The following ARF4 variants were observed in gnomAD, a reference collection of about 807,000 sequenced individuals.
ARF4 encodes ARF GTPase 4.
A neutral mutation model predicts 24.3 loss-of-function variants in ARF4; 5 were observed. The observed-to-expected ratio is 0.21, with a 90% CI of 0.11 to 0.43. The LOEUF (loss-of-function observed/expected upper bound fraction) is 0.43, where lower values mean the gene tolerates loss of function less well. Among genes scored for constraint, ARF4 ranks in the 20% least tolerant of loss-of-function variants. ARF4 has a pLI of 1.00. For missense variants in ARF4, 107 were observed against 213.0 expected (o/e 0.50, Z 3.10); for synonymous variants, 62 against 73.5 (o/e 0.84, Z 0.80).
chr3:57,585,635 T>C (rs1216697068), intron 1 of ARF4, among the ~76,000 whole-genome samples: 2 of 151,384 alleles, frequency 1.3e-5, no homozygotes, highest in African/African-American at 4.9e-5. Flanking sequence ...CCCTATCACA[T>C]TCATCTACAA....
Position 57,583,981 on chromosome 3 carries a change from T to C in ARF4, c.175A>G (p.Lys59Glu), listed in dbSNP as rs748613969. 4 of 1,612,330 alleles carry C rather than the reference T, an allele frequency of 2.5e-6. No homozygotes were observed. The highest frequency in any genetic ancestry group is 3.4e-6 in the Non-Finnish European group (4 of 1,178,518). Residue 59 changes from lysine (K) to glutamate (E), a missense_variant, in exon 3 of 6, where the codon AAG becomes GAG. Transcript: ENST00000303436. ...IGFNVETVEY[K>E]NICFTVWDVG... ...TCCCATACTGTGAAACAAATGTTCT[T>C]ATATTCTACTGTTTCCACATTAAAA...
intron 4 of ARF4, among the ~76,000 whole-genome samples, chr3:57,576,361 G>T (rs939820933): frequency 6.6e-6 from 1 of 152,090 alleles, no homozygotes; most frequent in Non-Finnish European, 1.5e-5. Flanking sequence ...GACTGCTAAT[G>T]GTCCAAGATT....
At chr3:57,593,550 T>C (rs551641813) in intron 1 of ARF4, among the ~76,000 whole-genome samples, 2 of 152,176 alleles carry the variant, frequency 1.3e-5, no homozygotes, top group Non-Finnish European at 2.9e-5. Flanking sequence ...TACACTGATA[T>C]CAGCAAACTT....
At chr3:57,596,871 G>C (rs972873865) in intron 1 of ARF4, 1 of 582,350 alleles carries the variant, frequency 1.7e-6, no homozygotes, top group African/African-American at 1.9e-5. Flanking sequence ...CCCTGTCCCT[G>C]TCTCGTCTGG....
rs375535985 is a variant in ARF4, at chr3:57,572,272, T to C, written c.483A>G (p.Thr161=). Residue 161 remains threonine (T), a synonymous_variant, in exon 6 of 6, where the codon ACA becomes ACG. Transcript: ENST00000303436. The part of the protein sequence containing the change: ...RTWYVQATCA[T]QGTGLYEGLD... Reference sequence around the variant, plus strand: ...GTCCTTCATACAGACCAGTTCCTTGTGTTGCACAAGTGGCTTGAACATACC... The same window carrying C: ...GTCCTTCATACAGACCAGTTCCTTGCGTTGCACAAGTGGCTTGAACATACC... The C allele has an allele frequency of 2.5e-6, 4 of 1,614,094 alleles. No homozygotes were observed. The highest frequency in any genetic ancestry group is 2.7e-5 in the African/African-American group (2 of 75,068).
rs1363786802 is a variant in ARF4 at position 57,575,653 on chromosome 3, T to C, written c.351A>G (p.Arg117=). ...TTGCAAAAAGTAGCAGCACTGCATCTCTCAATTCATCTACCAGAAGCTGGA... is the reference window on the plus strand; with the variant it reads ...TTGCAAAAAGTAGCAGCACTGCATCCCTCAATTCATCTACCAGAAGCTGGA... ...LQKMLLVDEL[R]DAVLLLFANK... Residue 117 remains arginine (R), a synonymous_variant, in exon 5 of 6, where the codon AGA becomes AGG. Transcript: ENST00000303436. 3.1e-6 allele frequency: 5 copies of C among 1,610,116 alleles called. No individual in the cohort carries two copies. Among genetic ancestry groups the C allele is most frequent in the Non-Finnish European group, 4.2e-6 (5 of 1,178,784 alleles).
chr3:57,586,565 A>G (rs959526714), intron 1 of ARF4, among the ~76,000 whole-genome samples: 1 of 152,068 alleles, frequency 6.6e-6, no homozygotes, highest in African/African-American at 2.4e-5. Context: ...CCTGTTCCCC[A>G]CTTCGTACTC....
chr3:57,590,430 G>A (rs918373427), intron 1 of ARF4, among the ~76,000 whole-genome samples: 3 of 152,052 alleles, frequency 2.0e-5, no homozygotes, highest in African/African-American at 4.8e-5. Flanking sequence ...AGTCTGTAGT[G>A]AGCCGAGATT....
intron 1 of ARF4, among the ~76,000 whole-genome samples, chr3:57,589,729 CAAAA>C (rs1474037921): frequency 3.3e-5 from 5 of 149,486 alleles, no homozygotes; most frequent in African/African-American, 1.2e-4. Context: ...AAAAAACAAA[CAAAA>C]AACCCAAAAA....
At chr3:57,594,690 A>C (rs1208000393) in intron 1 of ARF4, among the ~76,000 whole-genome samples, 1 of 152,214 alleles carries the variant, frequency 6.6e-6, no homozygotes, top group Non-Finnish European at 1.5e-5. Flanking sequence ...TAAAGTCTGA[A>C]TAAAACACTG....
chr3:57,573,358 C>A (rs181242428), intron 5 of ARF4, among the ~76,000 whole-genome samples: 7 of 151,884 alleles, frequency 4.6e-5, no homozygotes, highest in Admixed American at 3.9e-4. Flanking sequence ...GTGAAAGTAT[C>A]AAAAAAAACC....
chr3:57,577,006 A>G (rs1446269555), intron 4 of ARF4, among the ~76,000 whole-genome samples: 2 of 151,984 alleles, frequency 1.3e-5, no homozygotes, highest in East Asian at 3.9e-4. Flanking sequence ...GAGCTAAATC[A>G]GATATCCTCA....
At chr3:57,577,604 A>G (rs956587079) in intron 3 of ARF4, among the ~76,000 whole-genome samples, 6 of 152,220 alleles carry the variant, frequency 3.9e-5, no homozygotes, top group Admixed American at 3.3e-4. Context: ...TTTATTCTTC[A>G]CCAATTAATT....
chr3:57,586,209 C>G (rs1198986253), intron 1 of ARF4, among the ~76,000 whole-genome samples: 1 of 152,196 alleles, frequency 6.6e-6, no homozygotes, highest in Non-Finnish European at 1.5e-5. Context: ...CTTAGGATAT[C>G]ATATCTGGCC....
intron 1 of ARF4, among the ~76,000 whole-genome samples, chr3:57,594,249 C>G (rs1444179226): frequency 1.3e-5 from 2 of 152,126 alleles, no homozygotes; most frequent in Non-Finnish European, 2.9e-5. Context: ...AAATAAAATA[C>G]AGACGCTATT....
At chr3:57,580,325 T>C (rs2069953967) in intron 3 of ARF4, among the ~76,000 whole-genome samples, 1 of 152,214 alleles carries the variant, frequency 6.6e-6, no homozygotes, top group Admixed American at 6.6e-5. Flanking sequence ...TGGGCATTTA[T>C]TTAGCAAATA....
At chr3:57,573,068 G>A (rs1004199945) in intron 5 of ARF4, among the ~76,000 whole-genome samples, 1 of 151,922 alleles carries the variant, frequency 6.6e-6, no homozygotes, top group African/African-American at 2.4e-5. Context: ...CGGGCGTGGT[G>A]GTGGGCGCCT....
chr3:57,580,645 T>C (rs2069959062), intron 3 of ARF4, among the ~76,000 whole-genome samples: 1 of 152,116 alleles, frequency 6.6e-6, no homozygotes, highest in African/African-American at 2.4e-5. Flanking sequence ...CCTCGTATCA[T>C]GGCCTCCCAA....
Sources: allele counts gnomAD v4.1 joint callset (sites outside exome capture counted in the v4.1 genomes callset), GRCh38; gene constraint gnomAD v4.1.1; transcripts MANE v1.5; gene names NCBI Gene and HGNC (gene_info 2026-07-23, HGNC 2026-07-21).